RANBP17: variants seen among roughly 807,000 people sequenced by gnomAD.
RANBP17 encodes RAN binding protein 17.
A neutral mutation model predicts 141.2 loss-of-function variants in RANBP17; 158 were observed. The observed-to-expected ratio is 1.12, with a 90% CI of 0.98 to 1.28. The LOEUF (loss-of-function observed/expected upper bound fraction) is 1.28. RANBP17 is among the 50% of genes most tolerant of loss of function. RANBP17 has a pLI of 0.00. For synonymous variants in RANBP17, 430 were observed against 450.0 expected (o/e 0.96, Z 0.56); for missense variants, 1,438 against 1,290.7 (o/e 1.11, Z -1.75).
chr5:171,263,195 A>G (rs931080021), intron 24 of RANBP17, among the ~76,000 whole-genome samples: 3 of 152,052 alleles, frequency 2.0e-5, no homozygotes, highest in Non-Finnish European at 2.9e-5. Flanking sequence ...ATGAGAAACT[A>G]CTCCCTTAGG....
chr5:171,013,939 G>A (rs1468361064), intron 14 of RANBP17, among the ~76,000 whole-genome samples: 1 of 152,000 alleles, frequency 6.6e-6, no homozygotes, highest in Non-Finnish European at 1.5e-5. Context: ...TGAGGGAGAA[G>A]TCTTAAAGTG....
At chr5:171,182,081 T>C (rs1191764948) in intron 16 of RANBP17, among the ~76,000 whole-genome samples, 2 of 152,208 alleles carry the variant, frequency 1.3e-5, no homozygotes, top group Non-Finnish European at 2.9e-5. Context: ...GAATTATGCT[T>C]TTCAGTGCCC....
chr5:171,078,820 C>T (rs1785095162), intron 14 of RANBP17, among the ~76,000 whole-genome samples: 1 of 152,208 alleles, frequency 6.6e-6, no homozygotes, highest in African/African-American at 2.4e-5. Context: ...TGACCACACA[C>T]TTGGTCATGC....
intron 14 of RANBP17, among the ~76,000 whole-genome samples, chr5:171,060,346 C>A (rs1031226083): frequency 2.7e-5 from 4 of 150,934 alleles, no homozygotes; most frequent in Non-Finnish European, 5.9e-5. Flanking sequence ...CCCATCAATA[C>A]CTAATTTATT....
intron 14 of RANBP17, among the ~76,000 whole-genome samples, chr5:171,159,359 A>G (rs1044646420): frequency 6.6e-6 from 1 of 152,210 alleles, no homozygotes; most frequent in African/African-American, 2.4e-5. Flanking sequence ...TCTTTAACTG[A>G]AGATTGGATG....
chr5:171,274,111 AGTGTGTGTGTGTGTGT>A (rs372324815), intron 25 of RANBP17, among the ~76,000 whole-genome samples: 4 of 143,114 alleles, frequency 2.8e-5, no homozygotes, highest in East Asian at 2.1e-4. Flanking sequence ...AGTTTGATCA[AGTGTGTGTGTGTGTGT>A]GTGTGTGTGT....
At chr5:170,927,230 T>G (rs909413053) in intron 12 of RANBP17, among the ~76,000 whole-genome samples, 1 of 152,114 alleles carries the variant, frequency 6.6e-6, no homozygotes, top group South Asian at 2.1e-4. Context: ...CCACTAGAAA[T>G]GTATGAGATT....
intron 13 of RANBP17, 73 bp downstream of exon 13, chr5:170,953,775 T>C: frequency 1.0e-6 from 1 of 956,288 alleles, no homozygotes; most frequent in East Asian, 2.5e-5. Context: ...ACTAGTATTA[T>C]GAGTGAAGAC....
At chr5:170,983,858 C>G (rs986198) in intron 14 of RANBP17, among the ~76,000 whole-genome samples, 92,971 of 151,798 alleles carry the variant, frequency 0.61, 29,834 homozygotes, top group South Asian at 0.88. Flanking sequence ...AGAGAAGATT[C>G]CTGAATGAAA....
chr5:171,198,270 C>T (rs955754013), intron 18 of RANBP17, among the ~76,000 whole-genome samples: 8 of 152,182 alleles, frequency 5.3e-5, no homozygotes, highest in Admixed American at 5.2e-4. Context: ...ATTTGGTCTG[C>T]CTTACTCTTT....
At chr5:170,913,372 G>A (rs1771689356) in intron 7 of RANBP17, among the ~76,000 whole-genome samples, 1 of 151,918 alleles carries the variant, frequency 6.6e-6, no homozygotes, top group African/African-American at 2.4e-5. Flanking sequence ...TGGGTTATTT[G>A]ATGCTATTGA....
intron 12 of RANBP17, among the ~76,000 whole-genome samples, chr5:170,925,119 G>A (rs1302591713): frequency 6.6e-6 from 1 of 151,976 alleles, no homozygotes; most frequent in Non-Finnish European, 1.5e-5. Context: ...ATGCACTACA[G>A]GAATGGAAAT....
intron 14 of RANBP17, among the ~76,000 whole-genome samples, chr5:171,107,273 T>A (rs1409878867): frequency 6.6e-6 from 1 of 152,220 alleles, no homozygotes; most frequent in African/African-American, 2.4e-5. Context: ...TTGCCTGGTA[T>A]CAAAGGAATT....
In RANBP17 at chr5:171,298,833, C is replaced by G. The variant is rs745387024; in HGVS notation, c.3242C>G (p.Pro1081Arg). 1 of 1,614,118 alleles carries G rather than the reference C, an allele frequency of 6.2e-7. No individual in the cohort carries two copies. The highest frequency in any genetic ancestry group is 8.5e-7 in the Non-Finnish European group (1 of 1,179,960). Residue 1081 changes from proline (P) to arginine (R), a missense_variant, in exon 28 of 28, where the codon CCA becomes CGA. Pro to Arg is a moderately radical substitution (Grantham distance 103). Coordinates refer to ENST00000523189, the MANE Select transcript of RANBP17 (RefSeq NM_022897.5). ...TTGCGCAGTGATGGCAACACTGAAC[C>G]ATGCAGTCTCGACATGATGAGCTGA... ...EALRSDGNTE[P>R]CSLDMMS
At chr5:170,989,645 C>T (rs1397676120) in intron 14 of RANBP17, among the ~76,000 whole-genome samples, 3 of 151,642 alleles carry the variant, frequency 2.0e-5, no homozygotes, top group Non-Finnish European at 3.0e-5. Flanking sequence ...AGAATAGATA[C>T]GTTTAGCCTG....
intron 13 of RANBP17, among the ~76,000 whole-genome samples, chr5:170,956,103 T>C (rs976319894): frequency 5.3e-5 from 8 of 151,890 alleles, no homozygotes. Context: ...TGGTTTCATA[T>C]GTTTTTTCCA....
At chr5:170,879,422 C>T (rs143225515) in intron 2 of RANBP17, among the ~76,000 whole-genome samples, 35 of 152,266 alleles carry the variant, frequency 2.3e-4, no homozygotes, top group African/African-American at 7.5e-4. Context: ...GAAGCTGGAG[C>T]TGTAGTTGAA....
At chr5:171,230,992 A>G (rs1764173640) in intron 22 of RANBP17, among the ~76,000 whole-genome samples, 1 of 151,614 alleles carries the variant, frequency 6.6e-6, no homozygotes, top group Non-Finnish European at 1.5e-5. Flanking sequence ...GCTGGAGTGC[A>G]GTGTCATGAT....
intron 14 of RANBP17, among the ~76,000 whole-genome samples, chr5:171,092,823 T>A (rs1286419634): frequency 6.6e-6 from 1 of 152,232 alleles, no homozygotes; most frequent in Non-Finnish European, 1.5e-5. Context: ...GAGCTTCTTA[T>A]GTTCTGAGAA....
Sources: allele counts gnomAD v4.1 joint callset (sites outside exome capture counted in the v4.1 genomes callset), GRCh38; gene constraint gnomAD v4.1.1; transcripts MANE v1.5; gene names NCBI Gene and HGNC (gene_info 2026-07-23, HGNC 2026-07-21).